Variants in ODF2L observed in about 807,000 individuals in gnomAD.
ODF2L encodes the protein outer dense fiber of sperm tails 2 like, also known as protein BCAP.
A neutral mutation model predicts 86.3 loss-of-function variants in ODF2L; 76 were observed. The observed-to-expected ratio is 0.88, with a 90% CI of 0.73 to 1.07. The LOEUF (loss-of-function observed/expected upper bound fraction) is 1.07, where lower values mean the gene tolerates loss of function less well. Among genes scored for constraint, ODF2L ranks in the 50% least tolerant of loss-of-function variants. ODF2L has a pLI of 0.00. For synonymous variants in ODF2L, 241 were observed against 231.3 expected (o/e 1.04, Z -0.38); for missense variants, 748 against 717.4 (o/e 1.04, Z -0.49).
intron 2 of ODF2L, 112 bp downstream of exon 2, chr1:86,386,803 A>G: frequency 1.8e-6 from 1 of 551,780 alleles, no homozygotes. Context: ...CTAGATTTGG[A>G]AAAGATACTC....
At chr1:86,347,704 T>C (rs1657881300), downstream of ODF2L, 1 of 152,214 alleles carries the variant, frequency 6.6e-6, no homozygotes. Context: ...GCTGGAACTG[T>C]GTAGTTCACA....
At chr1:86,370,107 G>C (rs369022084) in intron 10 of ODF2L, among the ~76,000 whole-genome samples, 1 of 149,096 alleles carries the variant, frequency 6.7e-6, no homozygotes, top group Non-Finnish European at 1.5e-5. Flanking sequence ...AACAAACAAA[G>C]AAAAACAAAC....
chr1:86,371,062 C>A lies in ODF2L; in HGVS notation c.1012G>T (p.Glu338Ter). The change falls in exon 10 of 18, where the codon GAA becomes TAA. Residue 338 changes from glutamate to a stop codon, truncating the protein, a stop_gained. Transcript: ENST00000317336. LOFTEE classifies it high-confidence loss of function. ...AGATTCAGAGTTTCATTTTCATATT[C>A]AATTGAGTGAACTTTTCTAAGAATT... The A allele has an allele frequency of 6.4e-7, 1 of 1,569,738 alleles. No individual in the cohort carries two copies. Among genetic ancestry groups the A allele is most frequent in the Non-Finnish European group, 8.7e-7 (1 of 1,153,254 alleles).
intron 3 of ODF2L, 49 bp downstream of exon 3, chr1:86,385,409 G>A: frequency 8.5e-7 from 1 of 1,177,576 alleles, no homozygotes; most frequent in South Asian, 1.4e-5. Context: ...AATGCATTCT[G>A]AGTATTATAC....
At chr1:86,390,022 C>T (rs1661208633) in intron 1 of ODF2L, among the ~76,000 whole-genome samples, 1 of 152,172 alleles carries the variant, frequency 6.6e-6, no homozygotes, top group Admixed American at 6.5e-5. Context: ...AGAGAATCCT[C>T]CCTAAATCAT....
At chr1:86,346,977 T>C (rs545824672), downstream of ODF2L, 1 of 152,252 alleles carries the variant, frequency 6.6e-6, no homozygotes, top group African/African-American at 2.4e-5. Context: ...AACCTTTCCA[T>C]GTCTTAGTTT....
At chr1:86,347,200 A>G (rs967711481), downstream of ODF2L, 2 of 152,242 alleles carry the variant, frequency 1.3e-5, no homozygotes, top group East Asian at 3.9e-4. Context: ...TTTTGCTTAC[A>G]TTTTTCATAT....
chr1:86,385,473 C>A (rs1660881760), exon 3 of ODF2L: 2 of 1,581,532 alleles, frequency 1.3e-6, no homozygotes, highest in Non-Finnish European at 1.7e-6. Flanking sequence ...CAAAATTAAT[C>A]TTTTCAATGG....
rs779572730 is a variant in ODF2L at position 86,382,377 on chromosome 1, G to T, written c.508-19C>A. The T allele has an allele frequency of 6.2e-7, 1 of 1,604,440 alleles. No individual in the cohort carries two copies. The highest frequency in any genetic ancestry group is 1.3e-5 in the African/African-American group (1 of 74,104). ...TATTTGCCTGTAACAAAGAGAAAGA[G>T]AAAACCAAAAAAATCCATATTATTT... On this transcript the variant is annotated intron_variant, in intron 6 of 17. Coordinates refer to ENST00000317336, the Ensembl canonical transcript of ODF2L.
Position 86,354,526 on chromosome 1 carries a change from A to G in ODF2L, c.1767+4T>C, listed in dbSNP as rs190882153. 1.3e-3 allele frequency: 2,000 copies of G among 1,575,892 alleles called. 8 individuals carry two copies. The highest frequency in any genetic ancestry group is 9.3e-4 in the Non-Finnish European group (1,075 of 1,157,658). On this transcript the variant is annotated splice_donor_region_variant and intron_variant, in intron 16 of 17. Transcript: ENST00000317336. ...AAAAGTTTCTAAATAAAGGCCATGCATACCTTTTGTCTTCCTTCTTCTAAA... is the reference window on the plus strand; with the variant it reads ...AAAAGTTTCTAAATAAAGGCCATGCGTACCTTTTGTCTTCCTTCTTCTAAA...
chr1:86,356,726 C>T lies in ODF2L; in HGVS notation c.1360-124G>A, dbSNP rs1337639995. ...TAGGTATAATGGCTTTAAATAAGAA[C>T]ACAACTGAATAAATATTAAACTCTG... On this transcript the variant is annotated intron_variant, in intron 13 of 17. Transcript: ENST00000317336. 7.4e-6 allele frequency: 5 copies of T among 675,368 alleles called. No homozygotes were observed. In the African/African-American group the frequency reaches 9.1e-5, roughly 12 times the overall value. The allele number at this position is 675,368 out of a possible 1,614,324, so 41.8% of individuals were successfully genotyped here. A position where few individuals can be genotyped will look rare whatever the true frequency, so the allele number is the denominator to read the frequency against.
chr1:86,354,688 A>AT lies in ODF2L; in HGVS notation c.1608dup (p.Leu537IlefsTer9). 1 of 1,605,538 alleles carries AT rather than the reference A, an allele frequency of 6.2e-7. No homozygotes were observed. The highest frequency in any genetic ancestry group is 8.5e-7 in the Non-Finnish European group (1 of 1,175,798). On this transcript the variant is annotated frameshift_variant, in exon 16 of 18. Coordinates refer to ENST00000317336, the Ensembl canonical transcript of ODF2L. LOFTEE classifies it high-confidence loss of function. ...TTATTTTCTGCGTCCATCTGTTCTA[A>AT]TTTTCTTTTTACAGAAAACATATAT... is the stretch of plus-strand genomic sequence containing the variant.
chr1:86,385,360 A>G (rs1215295087), intron 3 of ODF2L, 98 bp downstream of exon 3: 2 of 673,718 alleles, frequency 3.0e-6, no homozygotes, highest in African/African-American at 1.8e-5. Flanking sequence ...TGAAATACTC[A>G]TAAGTGAGCA....
intron 7 of ODF2L, among the ~76,000 whole-genome samples, chr1:86,380,671 A>G (rs1355305003): frequency 6.6e-6 from 1 of 152,164 alleles, no homozygotes; most frequent in Non-Finnish European, 1.5e-5. Flanking sequence ...AAATGAATGA[A>G]CACATAAAGC....
chr1:86,384,507 T>C (rs1660798256), intron 4 of ODF2L, among the ~76,000 whole-genome samples, 169 bp downstream of exon 4: 1 of 151,854 alleles, frequency 6.6e-6, no homozygotes, highest in Non-Finnish European at 1.5e-5. Context: ...AAACGTGGTG[T>C]TCATATACAA....
chr1:86,390,370 C>A (rs272510), intron 1 of ODF2L, among the ~76,000 whole-genome samples: 102,797 of 151,928 alleles, frequency 0.68, 34,946 homozygotes, highest in Non-Finnish European at 0.72. Context: ...CAGTGAGCCA[C>A]GACCATGCCA....
chr1:86,367,763 C>T (rs560417507), intron 11 of ODF2L, among the ~76,000 whole-genome samples: 1 of 152,124 alleles, frequency 6.6e-6, no homozygotes, highest in East Asian at 1.9e-4. Context: ...AAAAAGAGCA[C>T]TTCAGGTTAT....
chr1:86,353,600 G>A (rs1658310421), intron 16 of ODF2L, among the ~76,000 whole-genome samples: 1 of 152,164 alleles, frequency 6.6e-6, no homozygotes. Context: ...CTGGGTTGGA[G>A]CCACAAGAAT....
exon 7 of ODF2L, chr1:86,382,285 T>A (rs143424318): frequency 1.5e-4 from 241 of 1,612,192 alleles, no homozygotes; most frequent in Non-Finnish European, 2.0e-4. Context: ...TTCCCTTTTA[T>A]GAATTTGGAT....
Sources: allele counts gnomAD v4.1 joint callset (sites outside exome capture counted in the v4.1 genomes callset), GRCh38; gene constraint gnomAD v4.1.1; transcripts MANE v1.5; gene names NCBI Gene and HGNC (gene_info 2026-07-23, HGNC 2026-07-21).